NREP: variants seen among roughly 807,000 people sequenced by gnomAD.
NREP encodes the protein neuronal regeneration related protein.
Under a neutral mutation model 8.6 loss-of-function variants are expected in NREP, and 5 were observed. That is an observed-to-expected ratio of 0.58 (90% CI 0.30 to 1.22). The LOEUF (loss-of-function observed/expected upper bound fraction) is 1.22. Among genes scored for constraint, NREP ranks in the 50% most tolerant of loss-of-function variants. The pLI is 0.07. For synonymous variants in NREP, 27 were observed against 28.0 expected (o/e 0.96, Z 0.11); for missense variants, 86 against 82.5 (o/e 1.04, Z -0.17).
chr5:111,804,950 G>A (rs1252020183), intron 2 of NREP, among the ~76,000 whole-genome samples: 2 of 152,140 alleles, frequency 1.3e-5, no homozygotes, highest in East Asian at 1.9e-4. Context: ...GCAGTGAGCC[G>A]AGATGGCGCC....
chr5:111,832,023 A>G (rs1752780902), intron 2 of NREP, among the ~76,000 whole-genome samples: 1 of 152,058 alleles, frequency 6.6e-6, no homozygotes, highest in Non-Finnish European at 1.5e-5. Context: ...TACCTTCTGG[A>G]TGTATTGGAA....
At chr5:111,866,821 A>C (rs1753676477) in intron 2 of NREP, among the ~76,000 whole-genome samples, 1 of 152,100 alleles carries the variant, frequency 6.6e-6, no homozygotes, top group Non-Finnish European at 1.5e-5. Context: ...AGCCATAAAA[A>C]ATGATGAGTT....
At position 111,887,668 on chromosome 5, in the gene NREP, G is replaced by T. The variant is rs118092348; in HGVS notation, c.135+87606C>A. ...ATGTGCTGGCATCTGGGATTTGCTT[G>T]GCTATTTTTCACTGAGACTGTTCAC... On this transcript the variant is annotated intron_variant, in intron 2 of 3. Transcript: ENST00000395634. 8.2e-4 allele frequency among the ~76,000 whole-genome samples: 125 copies of T among 152,256 alleles called. 1 individual carries two copies. In the East Asian group the frequency reaches 0.02, roughly 24 times the overall value.
At chr5:111,889,350 C>G (rs187629597) in intron 2 of NREP, among the ~76,000 whole-genome samples, 1 of 152,176 alleles carries the variant, frequency 6.6e-6, no homozygotes, top group African/African-American at 2.4e-5. Context: ...AAAGACATTA[C>G]CAAGAAGGTG....
intron 2 of NREP, among the ~76,000 whole-genome samples, chr5:111,969,867 G>A (rs1308093845): frequency 7.2e-5 from 11 of 152,146 alleles, no homozygotes; most frequent in Admixed American, 7.2e-4. Context: ...TGGTACTGGT[G>A]GATTGAGAAG....
intron 2 of NREP, among the ~76,000 whole-genome samples, chr5:111,784,060 G>T (rs978633923): frequency 6.6e-6 from 1 of 152,144 alleles, no homozygotes; most frequent in African/African-American, 2.4e-5. Flanking sequence ...GTGGGGTAGA[G>T]GGGGTGGACA....
At chr5:111,802,978 C>A (rs1466765573) in intron 2 of NREP, among the ~76,000 whole-genome samples, 1 of 151,950 alleles carries the variant, frequency 6.6e-6, no homozygotes, top group Non-Finnish European at 1.5e-5. Flanking sequence ...TGATTGACTG[C>A]AAATAACTAA....
rs1031683870 is a variant in NREP, at chr5:111,928,332, T to G, written c.135+46942A>C. ...TCCTCAAAATCTTGAAGCTTCTGATTTAGTTTTTTTAATTTTTAGAAATTG... is the reference window on the plus strand; with the variant it reads ...TCCTCAAAATCTTGAAGCTTCTGATGTAGTTTTTTTAATTTTTAGAAATTG... On this transcript the variant is annotated intron_variant, in intron 2 of 3. Coordinates refer to the NREP transcript ENST00000395634. 2.6e-5 allele frequency among the ~76,000 whole-genome samples: 4 copies of G among 151,250 alleles called. No individual in the cohort carries two copies. The South Asian group carries it at 8.3e-4, about 31-fold the overall frequency.
At chr5:111,864,005 G>A (rs1374124706) in intron 2 of NREP, among the ~76,000 whole-genome samples, 1 of 152,084 alleles carries the variant, frequency 6.6e-6, no homozygotes, top group Non-Finnish European at 1.5e-5. Flanking sequence ...GGCAGTTACA[G>A]AGCTCACAAA....
intron 2 of NREP, among the ~76,000 whole-genome samples, chr5:111,804,980 G>A (rs1012056444): frequency 3.4e-5 from 5 of 147,470 alleles, no homozygotes; most frequent in African/African-American, 1.3e-4. Flanking sequence ...TAGCCTGGGC[G>A]ACAGAGCGAG....
At chr5:111,961,292 C>T (rs185870708) in intron 2 of NREP, among the ~76,000 whole-genome samples, 1 of 152,312 alleles carries the variant, frequency 6.6e-6, no homozygotes, top group East Asian at 1.9e-4. Flanking sequence ...CCCACTCAGC[C>T]ACCAGTGCCC....
chr5:111,751,882 C>T (rs954242920), intron 2 of NREP, among the ~76,000 whole-genome samples: 3 of 152,140 alleles, frequency 2.0e-5, no homozygotes, highest in Admixed American at 2.0e-4. Flanking sequence ...AAAAGACTTT[C>T]CAACCAGGAA....
At chr5:111,858,535 C>A (rs1299021811) in intron 2 of NREP, among the ~76,000 whole-genome samples, 1 of 152,016 alleles carries the variant, frequency 6.6e-6, no homozygotes, top group Admixed American at 6.6e-5. Flanking sequence ...CCTGTAATCC[C>A]AGCACTTGGG....
chr5:111,932,813 T>G (rs1243365309), intron 2 of NREP, among the ~76,000 whole-genome samples: 1 of 152,046 alleles, frequency 6.6e-6, no homozygotes, highest in Non-Finnish European at 1.5e-5. Context: ...TCTTGACTGG[T>G]AGTGCCTTGG....
At chr5:111,742,075 A>G (rs1007767432) in intron 2 of NREP, among the ~76,000 whole-genome samples, 4 of 152,170 alleles carry the variant, frequency 2.6e-5, no homozygotes, top group African/African-American at 9.7e-5. Context: ...AAGGAAGACA[A>G]TGATGGCTCA....
chr5:111,917,700 A>C (rs1018252442), intron 2 of NREP, among the ~76,000 whole-genome samples: 3 of 152,176 alleles, frequency 2.0e-5, no homozygotes. Context: ...GTACTGATGG[A>C]ACATATCTCA....
At chr5:111,775,562 C>T (rs1009365255) in intron 2 of NREP, among the ~76,000 whole-genome samples, 5 of 152,032 alleles carry the variant, frequency 3.3e-5, no homozygotes, top group Admixed American at 2.6e-4. Context: ...TTTCAATTCT[C>T]GGGAATATGC....
At chr5:111,837,308 GT>G (rs1752919241) in intron 2 of NREP, among the ~76,000 whole-genome samples, 1 of 151,940 alleles carries the variant, frequency 6.6e-6, no homozygotes, top group Non-Finnish European at 1.5e-5. Flanking sequence ...AAAGCAGAAA[GT>G]TTTTCAGGAC....
At chr5:111,756,183 C>G in intron 1 of NREP, 1 of 1,030,998 alleles carries the variant, frequency 9.7e-7, no homozygotes, top group Non-Finnish European at 1.2e-6. Context: ...ATACTACTGG[C>G]AGTATATTTG....
Sources: gnomAD v4.1 joint callset for allele counts (sites outside exome capture counted in the v4.1 genomes callset) on GRCh38, gnomAD v4.1.1 for gene constraint, MANE v1.5 for transcripts, NCBI Gene and HGNC (gene_info 2026-07-23, HGNC 2026-07-21) for gene names.